PRKCB: variants seen among roughly 807,000 people sequenced by gnomAD.
PRKCB encodes the protein protein kinase C beta.
Under a neutral mutation model 81.5 loss-of-function variants are expected in PRKCB, and 13 were observed. That is an observed-to-expected ratio of 0.16 (90% CI 0.10 to 0.25). PRKCB has a LOEUF of 0.25. PRKCB is among the 10% of genes least tolerant of loss of function. The probability of loss-of-function intolerance (pLI) is 1.00; values close to 1 mark genes in which losing one functional copy is unlikely to be tolerated. For missense variants in PRKCB, 509 were observed against 875.7 expected, an observed-to-expected ratio of 0.58 and a Z score of 5.29; for synonymous variants, 335 against 321.4, an observed-to-expected ratio of 1.04 and a Z score of -0.45.
chr16:23,907,746 ACCGGTCGACT>A (rs1180370282), intron 2 of PRKCB, among the ~76,000 whole-genome samples: 1 of 152,096 alleles, frequency 6.6e-6, no homozygotes, highest in Non-Finnish European at 1.5e-5. Context: ...GTGGAACCAT[ACCGGTCGACT>A]CCGGGAGGAA....
At chr16:24,203,118 C>T (rs900642046) in intron 16 of PRKCB, 1 of 151,968 alleles carries the variant, frequency 6.6e-6, no homozygotes. Context: ...GTCCCAGCTA[C>T]TTGGGTGACT....
intron 3 of PRKCB, among the ~76,000 whole-genome samples, chr16:23,990,104 T>C (rs1964863006): frequency 6.6e-6 from 1 of 152,184 alleles, no homozygotes; most frequent in African/African-American, 2.4e-5. Context: ...ATGATGATGC[T>C]GATGAGCTGT....
chr16:24,209,420 G>A (rs1007175726), intron 16 of PRKCB, among the ~76,000 whole-genome samples: 3 of 152,090 alleles, frequency 2.0e-5, no homozygotes, highest in African/African-American at 7.2e-5. Flanking sequence ...TCCCCACACT[G>A]CAGCTGAGGG....
intron 2 of PRKCB, among the ~76,000 whole-genome samples, chr16:23,903,258 A>AGTGTGT (rs3073125): frequency 6.8e-6 from 1 of 147,310 alleles, no homozygotes; most frequent in Admixed American, 6.8e-5. Flanking sequence ...AGGGAACTTA[A>AGTGTGT]GTGTGTGTGT....
intron 2 of PRKCB, among the ~76,000 whole-genome samples, chr16:23,950,143 T>TG (rs1964259824): frequency 4.2e-5 from 6 of 144,516 alleles, no homozygotes; most frequent in South Asian, 4.6e-4. Flanking sequence ...TTTTTTTTTT[T>TG]TTTTTTTTTT....
intron 2 of PRKCB, among the ~76,000 whole-genome samples, chr16:23,880,638 T>G (rs1963091480): frequency 6.6e-6 from 1 of 152,200 alleles, no homozygotes; most frequent in Non-Finnish European, 1.5e-5. Context: ...AGTAGGGTAC[T>G]AGAATTTTCT....
rs567970112 is a variant in PRKCB at position 24,119,647 on chromosome 16, G to C, written c.919-4188G>C. Among the ~76,000 whole-genome samples the C allele has an allele frequency of 4.8e-4, 73 of 152,184 alleles. No individual in the cohort carries two copies. In the South Asian group the frequency reaches 0.015, roughly 30 times the overall value. ...AAAGTGTTTGGGTCAGGCCAGCTTG[G>C]GGGTGATGATTTAGGAGGGTGTGAG... On this transcript the variant is annotated intron_variant, in intron 8 of 16. Coordinates refer to ENST00000643927, the MANE Select transcript of PRKCB (RefSeq NM_002738.7).
intron 2 of PRKCB, among the ~76,000 whole-genome samples, chr16:23,866,257 A>T (rs1215090777): frequency 6.6e-6 from 1 of 152,158 alleles, no homozygotes; most frequent in Admixed American, 6.5e-5. Context: ...TCATGGGGTA[A>T]TCATTATGGC....
intron 10 of PRKCB, among the ~76,000 whole-genome samples, chr16:24,167,573 CA>C (rs1365334545): frequency 1.3e-5 from 2 of 151,212 alleles, no homozygotes; most frequent in Admixed American, 6.6e-5. Context: ...AAAAAAAAAA[CA>C]AAAAAATTGG....
chr16:24,175,854 C>T (rs901977893), intron 12 of PRKCB, among the ~76,000 whole-genome samples: 7 of 151,562 alleles, frequency 4.6e-5, no homozygotes, highest in African/African-American at 1.5e-4. Context: ...TACCTATAGA[C>T]CTAGCTACTC....
chr16:24,046,530 T>C (rs1405142477), intron 5 of PRKCB, among the ~76,000 whole-genome samples: 1 of 152,156 alleles, frequency 6.6e-6, no homozygotes, highest in African/African-American at 2.4e-5. Context: ...TGGCATTTAG[T>C]TGAGACCTCA....
intron 16 of PRKCB, among the ~76,000 whole-genome samples, chr16:24,198,504 CT>C (rs1967911337): frequency 6.6e-6 from 1 of 152,076 alleles, no homozygotes; most frequent in Non-Finnish European, 1.5e-5. Flanking sequence ...GTCTTTTCTG[CT>C]TTTTATTTAT....
chr16:23,836,459 C>T (rs1322233133), intron 1 of PRKCB, 111 bp downstream of exon 1: 19 of 1,433,304 alleles, frequency 1.3e-5, no homozygotes, highest in Admixed American at 2.5e-5. Flanking sequence ...CCTGGGACCC[C>T]GCGTCTCCGG....
intron 2 of PRKCB, among the ~76,000 whole-genome samples, chr16:23,874,574 T>TG (rs1962965032): frequency 6.6e-6 from 1 of 151,640 alleles, no homozygotes; most frequent in Non-Finnish European, 1.5e-5. Flanking sequence ...CTCTCTTTTT[T>TG]TTTTTTTTTG....
chr16:24,183,464 G>A (rs1434278763), intron 13 of PRKCB, among the ~76,000 whole-genome samples: 1 of 152,112 alleles, frequency 6.6e-6, no homozygotes. Context: ...CTGAAATTTT[G>A]TATCCTGTAA....
At chr16:24,013,067 T>C (rs1426740938) in intron 3 of PRKCB, among the ~76,000 whole-genome samples, 2 of 152,132 alleles carry the variant, frequency 1.3e-5, no homozygotes, top group Non-Finnish European at 2.9e-5. Context: ...AACCTCTCAG[T>C]TGCATGCAGG....
chr16:24,025,302 G>A (rs918479446), intron 3 of PRKCB, among the ~76,000 whole-genome samples: 1 of 152,210 alleles, frequency 6.6e-6, no homozygotes, highest in Non-Finnish European at 1.5e-5. Flanking sequence ...CTTGCCACGG[G>A]CAAAACACTT....
chr16:23,849,966 A>G (rs958259858), intron 2 of PRKCB, among the ~76,000 whole-genome samples: 1 of 152,062 alleles, frequency 6.6e-6, no homozygotes, highest in African/African-American at 2.4e-5. Context: ...CCTTTGATCA[A>G]CAACTCCTTC....
chr16:24,002,037 A>C (rs554266804), intron 3 of PRKCB, among the ~76,000 whole-genome samples: 7 of 152,176 alleles, frequency 4.6e-5, no homozygotes, highest in Middle Eastern at 6.8e-3. Context: ...GTGGTTTCTC[A>C]TGATTGTGTG....
Sources: gnomAD v4.1 joint callset for allele counts (sites outside exome capture counted in the v4.1 genomes callset) on GRCh38, gnomAD v4.1.1 for gene constraint, MANE v1.5 for transcripts, NCBI Gene and HGNC (gene_info 2026-07-23, HGNC 2026-07-21) for gene names.